The following ACAD9 variants were observed in gnomAD, a reference collection of about 807,000 sequenced individuals.
The protein encoded by ACAD9 is acyl-CoA dehydrogenase family member 9.
ACAD9 carries 53 observed loss-of-function variants against 70.2 expected under a neutral mutation model. The observed-to-expected ratio is 0.75, with a 90% CI of 0.61 to 0.95. ACAD9 has a LOEUF of 0.95. ACAD9 is among the 40% of genes least tolerant of loss of function. The pLI is 0.00. For missense variants in ACAD9, 777 were observed against 802.8 expected (o/e 0.97, Z 0.39); for synonymous variants, 313 against 312.1 (o/e 1.00, Z -0.03).
At position 128,912,586 on chromosome 3, in the gene ACAD9, C is replaced by G; in HGVS notation, c.1845C>G (p.His615Gln). Reference sequence around the variant, plus strand: ...AGAAGCGAGCCTATATCTGTGCCCACCCTCTGGACAGGACATGCTGAGGCA... The same window carrying G: ...AGAAGCGAGCCTATATCTGTGCCCAGCCTCTGGACAGGACATGCTGAGGCA... ...ILEKRAYICA[H>Q]PLDRTC is the part of the protein sequence containing the mutation. The change falls in exon 18 of 18, where the codon CAC becomes CAG. Residue 615 changes from histidine (H) to glutamine (Q), a missense_variant. Coordinates refer to ENST00000308982, the MANE Select transcript of ACAD9 (RefSeq NM_014049.5). The G allele has an allele frequency of 6.2e-7, 1 of 1,614,182 alleles. No homozygotes were observed.
chr3:128,886,926 CT>C (rs1349482335), intron 2 of ACAD9, among the ~76,000 whole-genome samples: 2 of 150,346 alleles, frequency 1.3e-5, no homozygotes, highest in East Asian at 3.9e-4. Context: ...TTCAGACATG[CT>C]TTTTGTTTGT....
Position 128,909,030 on chromosome 3 carries a change from G to A in ACAD9, c.1416G>A (p.Arg472=), listed in dbSNP as rs767931148. 2 of 1,614,150 alleles carry A rather than the reference G, an allele frequency of 1.2e-6. No individual in the cohort carries two copies. Among genetic ancestry groups the A allele is most frequent in the Non-Finnish European group, 1.7e-6 (2 of 1,180,030 alleles). Reference sequence around the variant, plus strand: ...TGGATACCGTTGGCCGGAGGCTTCGGGACTCCCTGGGCCGAACTGTGGACC... The same window carrying A: ...TGGATACCGTTGGCCGGAGGCTTCGAGACTCCCTGGGCCGAACTGTGGACC... ...TVMDTVGRRL[R]DSLGRTVDLG... The change falls in exon 14 of 18, where the codon CGG becomes CGA. Residue 472 remains arginine, a synonymous_variant. Coordinates refer to ENST00000308982, the MANE Select transcript of ACAD9 (RefSeq NM_014049.5).
chr3:128,880,018 G>A (rs1180400570), intron 1 of ACAD9, 177 bp downstream of exon 1: 1 of 1,544,844 alleles, frequency 6.5e-7, no homozygotes, highest in Non-Finnish European at 8.7e-7. Flanking sequence ...CAGAGAAAGG[G>A]TGAGACATTT....
At chr3:128,895,266 A>C in intron 3 of ACAD9, 44 bp from the exon 4 acceptor site, 1 of 1,468,962 alleles carries the variant, frequency 6.8e-7, no homozygotes, top group Non-Finnish European at 9.4e-7. Flanking sequence ...TAATGGGAGG[A>C]ATCTAGGGCT....
chr3:128,889,179 A>AC (rs1491247012), intron 2 of ACAD9, among the ~76,000 whole-genome samples: 1 of 151,174 alleles, frequency 6.6e-6, no homozygotes, highest in East Asian at 1.9e-4. Flanking sequence ...AAAAAAAAAA[A>AC]CAAAAAATAT....
At chr3:128,885,785 C>T (rs1445066564) in intron 2 of ACAD9, among the ~76,000 whole-genome samples, 4 of 152,150 alleles carry the variant, frequency 2.6e-5, no homozygotes, top group South Asian at 2.1e-4. Flanking sequence ...GGGAGGCCAA[C>T]GGGGACAGAT....
At chr3:128,884,624 A>G in intron 1 of ACAD9, 29 bp from the exon 2 acceptor site, 1 of 1,548,950 alleles carries the variant, frequency 6.5e-7, no homozygotes, top group Non-Finnish European at 8.8e-7. Flanking sequence ...TAAAAATTAA[A>G]TTTTTTAGAA....
chr3:128,899,608 A>G, intron 7 of ACAD9, 147 bp downstream of exon 7: 2 of 968,996 alleles, frequency 2.1e-6, no homozygotes, highest in Non-Finnish European at 3.0e-6. Context: ...GCAAGATAAA[A>G]TGAGATTTAA....
intron 1 of ACAD9, among the ~76,000 whole-genome samples, chr3:128,884,148 C>T (rs1234373718): frequency 6.6e-6 from 1 of 152,194 alleles, no homozygotes; most frequent in Non-Finnish European, 1.5e-5. Context: ...TTTGAGCTCA[C>T]ACAATAATTG....
chr3:128,907,698 A>G (rs1431772554), intron 12 of ACAD9, among the ~76,000 whole-genome samples: 1 of 152,224 alleles, frequency 6.6e-6, no homozygotes, highest in African/African-American at 2.4e-5. Flanking sequence ...CTCACTGATC[A>G]GAATCATGGG....
Position 128,901,259 on chromosome 3 carries a change from A to G in ACAD9, c.809-17A>G, listed in dbSNP as rs1411454523. 6.2e-7 allele frequency: 1 copy of G among 1,613,414 alleles called. No individual in the cohort carries two copies. The highest frequency in any genetic ancestry group is 8.5e-7 in the Non-Finnish European group (1 of 1,179,404). On this transcript the variant is annotated splice_polypyrimidine_tract_variant and intron_variant, in intron 7 of 17. Coordinates refer to ENST00000308982, the MANE Select transcript of ACAD9 (RefSeq NM_014049.5). ...GTTTGCATTGTCAGATGATATCTTAAATTTCATGTGTTTCAGCTTGTGAAG... is the reference window on the plus strand; with the variant it reads ...GTTTGCATTGTCAGATGATATCTTAGATTTCATGTGTTTCAGCTTGTGAAG...
At chr3:128,893,522 A>G (rs1268357001) in intron 2 of ACAD9, 33 bp from the exon 3 acceptor site, 2 of 1,468,932 alleles carry the variant, frequency 1.4e-6, no homozygotes, top group Non-Finnish European at 9.5e-7. Context: ...AACATAGCTT[A>G]TATTTGTTTA....
In ACAD9 at chr3:128,899,507, G is replaced by C. The variant is rs766888841; in HGVS notation, c.808+46G>C. On this transcript the variant is annotated intron_variant, in intron 7 of 17. Transcript: ENST00000308982. ...CGTGCGCGTGTGTGTGTGTAAGGGG[G>C]AGACTGGCCTTTGACGGTGTGTGTG... The C allele has an allele frequency of 1.8e-5, 28 of 1,597,318 alleles. No individual in the cohort carries two copies. In the South Asian group the frequency reaches 3.2e-4, roughly 18 times the overall value.
At chr3:128,891,268 C>T (rs1460684621) in intron 2 of ACAD9, among the ~76,000 whole-genome samples, 1 of 152,170 alleles carries the variant, frequency 6.6e-6, no homozygotes, top group Non-Finnish European at 1.5e-5. Context: ...GAAGGACTTC[C>T]TTTCACTTTT....
intron 2 of ACAD9, among the ~76,000 whole-genome samples, chr3:128,890,013 A>C (rs1935370668): frequency 1.3e-5 from 2 of 152,014 alleles, no homozygotes; most frequent in African/African-American, 4.8e-5. Context: ...TTTTGTAGAA[A>C]TGGGTTCTCA....
At chr3:128,884,217 A>T (rs1935178346) in intron 1 of ACAD9, among the ~76,000 whole-genome samples, 1 of 152,196 alleles carries the variant, frequency 6.6e-6, no homozygotes. Context: ...CACGATTCTC[A>T]CAAGGGCCTT....
chr3:128,896,304 C>T (rs543198109), intron 4 of ACAD9, 132 bp from the exon 5 acceptor site: 225 of 1,000,544 alleles, frequency 2.2e-4, no homozygotes, highest in Non-Finnish European at 1.6e-4. Flanking sequence ...TGCCTGTGGC[C>T]GCTTGCTCTG....
Position 128,912,557 on chromosome 3 carries a change from C to G in ACAD9, c.1816C>G (p.Leu606Val), listed in dbSNP as rs1936453573. The G allele has an allele frequency of 1.1e-5, 18 of 1,614,050 alleles. No homozygotes were observed. Among genetic ancestry groups the G allele is most frequent in the Admixed American group, 1.7e-5 (1 of 60,006 alleles). ...GATTAAGAAAGTGTCCCAGCAGATC[C>G]TTGAGAAGCGAGCCTATATCTGTGC... ...EQIKKVSQQI[L>V]EKRAYICAHP... Residue 606 changes from leucine (L) to valine (V), a missense_variant, in exon 18 of 18, where the codon CTT (leucine) becomes GTT (valine). Transcript: ENST00000308982.
rs749535654 is a variant in ACAD9, at chr3:128,910,061, A to G, written c.1604A>G (p.Asn535Ser). Residue 535 changes from asparagine (N) to serine (S), a missense_variant, in exon 16 of 18, where the codon AAC becomes AGC. Physicochemically the swap from Asn to Ser is conservative, Grantham distance 46. Coordinates refer to ENST00000308982, the MANE Select transcript of ACAD9 (RefSeq NM_014049.5). ...EEQLVLKRVA[N>S]ILINLYGMTA... ...CAGCTGGTACTGAAGCGGGTGGCCA[A>G]CATCCTCATCAACCTGTATGGCATG... The G allele has an allele frequency of 1.2e-6, 2 of 1,613,988 alleles. No individual in the cohort carries two copies. The highest frequency in any genetic ancestry group is 1.6e-4 in the Middle Eastern group (1 of 6,062).
Sources: allele counts gnomAD v4.1 joint callset (sites outside exome capture counted in the v4.1 genomes callset), GRCh38; gene constraint gnomAD v4.1.1; transcripts MANE v1.5; gene names NCBI Gene and HGNC (gene_info 2026-07-23, HGNC 2026-07-21).